Variants in ALDH7A1 observed in about 807,000 individuals in gnomAD.
ALDH7A1 encodes the protein alpha-aminoadipic semialdehyde dehydrogenase.
Under a neutral mutation model 79.9 loss-of-function variants are expected in ALDH7A1, and 63 were observed. That is an observed-to-expected ratio of 0.79 (90% CI 0.64 to 0.97). The LOEUF (loss-of-function observed/expected upper bound fraction) is 0.97, where lower values mean the gene tolerates loss of function less well. ALDH7A1 is among the 50% of genes least tolerant of loss of function. The probability of loss-of-function intolerance (pLI) is 0.00; values close to 1 mark genes in which losing one functional copy is unlikely to be tolerated. For synonymous variants in ALDH7A1, 240 were observed against 231.2 expected, an observed-to-expected ratio of 1.04 and a Z score of -0.34; for missense variants, 627 against 665.2, an observed-to-expected ratio of 0.94 and a Z score of 0.63.
intron 5 of ALDH7A1, 125 bp from the exon 6 acceptor site, chr5:126,577,336 C>A: frequency 8.2e-7 from 1 of 1,222,702 alleles, no homozygotes; most frequent in Non-Finnish European, 1.2e-6. Context: ...AATTGCTACA[C>A]AGCCATGGGA....
intron 8 of ALDH7A1, chr5:126,569,355 C>T (rs1458586110): frequency 1.3e-5 from 2 of 152,210 alleles, no homozygotes; most frequent in Non-Finnish European, 2.9e-5. Flanking sequence ...TAAAGTATTC[C>T]TCATGGAAGC....
intron 9 of ALDH7A1, chr5:126,564,349 T>C (rs1750500371): frequency 1.1e-5 from 4 of 358,590 alleles, no homozygotes; most frequent in East Asian, 8.4e-5. Context: ...AGTTTCACCA[T>C]GTAGCCCAGG....
intron 3 of ALDH7A1, chr5:126,588,316 A>G (rs1751422188): frequency 6.6e-6 from 1 of 151,798 alleles, no homozygotes; most frequent in Non-Finnish European, 1.5e-5. Context: ...ACTAAAAAAT[A>G]CAAAAAAAAA....
chr5:126,554,287 C>T lies in ALDH7A1; in HGVS notation c.1200G>A (p.Lys400=). Residue 400 remains lysine, a splice_region_variant and synonymous_variant, in exon 13 of 18, where the codon AAG becomes AAA. Coordinates refer to ENST00000409134, the MANE Select transcript of ALDH7A1 (RefSeq NM_001182.5). ...KEGGTVVYGG[K]VMDRPGNYVE... is the part of the protein sequence containing the mutation. Reference sequence around the variant, plus strand: ...CAATTGATCTCAGAGCATCCCTTACCTTGCCCCCATAGACCACTGTGCCAC... The same window carrying T: ...CAATTGATCTCAGAGCATCCCTTACTTTGCCCCCATAGACCACTGTGCCAC... 7 of 1,613,404 alleles carry T rather than the reference C, an allele frequency of 4.3e-6. No homozygotes were observed. In the South Asian group the frequency reaches 6.6e-5, roughly 15 times the overall value.
intron 3 of ALDH7A1, among the ~76,000 whole-genome samples, chr5:126,591,133 ATATT>A (rs1270395482): frequency 6.6e-6 from 1 of 152,176 alleles, no homozygotes; most frequent in African/African-American, 2.4e-5. Context: ...AAAAAAAAGA[ATATT>A]TATTACTTTT....
chr5:126,593,789 T>C (rs1751641595), intron 1 of ALDH7A1: 1 of 331,950 alleles, frequency 3.0e-6, no homozygotes, highest in South Asian at 3.0e-5. Flanking sequence ...AGGAAAACTG[T>C]TGGAAAGTCC....
chr5:126,582,812 C>G, intron 5 of ALDH7A1, 39 bp downstream of exon 5: 1 of 1,610,604 alleles, frequency 6.2e-7, no homozygotes, highest in Admixed American at 1.7e-5. Flanking sequence ...CTCTGTATAT[C>G]AGAGTACAAA....
At chr5:126,553,411 T>C (rs11241902) in intron 13 of ALDH7A1, 21,515 of 152,264 alleles carry the variant, frequency 0.14, 1,847 homozygotes, top group African/African-American at 0.23. Context: ...ATTGTTGTCA[T>C]TCTTTAAAAC....
intron 7 of ALDH7A1, among the ~76,000 whole-genome samples, chr5:126,571,884 G>A (rs1750792472): frequency 6.6e-6 from 1 of 152,176 alleles, no homozygotes; most frequent in Admixed American, 6.5e-5. Context: ...CCACCCTGCA[G>A]AACCCTGAAA....
intron 9 of ALDH7A1, among the ~76,000 whole-genome samples, chr5:126,565,318 G>A (rs1469263105): frequency 6.8e-6 from 1 of 146,170 alleles, no homozygotes; most frequent in Non-Finnish European, 1.5e-5. Flanking sequence ...ACTTGAACCT[G>A]GGAGGCAGAG....
rs1296767826 is a variant in ALDH7A1 at position 126,546,357 on chromosome 5, T to C, written c.1532A>G (p.Asp511Gly). ...HTGGGRESGS[D>G]AWKQYMRRST... is the part of the protein sequence containing the mutation. Reference sequence around the variant, plus strand: ...CCTTCTCATGTACTGTTTCCAGGCATCACTGCCAGACTCCCTGCCACCACC... The same window carrying C: ...CCTTCTCATGTACTGTTTCCAGGCACCACTGCCAGACTCCCTGCCACCACC... Residue 511 changes from aspartate to glycine, a missense_variant, in exon 17 of 18, where the codon GAT (aspartate) becomes GGT (glycine). By Grantham distance (94) the Asp-to-Gly change is moderately conservative (BLOSUM62 -1). Transcript: ENST00000409134. 2 of 1,614,224 alleles carry C rather than the reference T, an allele frequency of 1.2e-6. No homozygotes were observed. The highest frequency in any genetic ancestry group is 3.3e-5 in the Admixed American group (2 of 60,030).
intron 8 of ALDH7A1, chr5:126,569,132 C>G (rs1306115069): frequency 6.6e-6 from 1 of 152,414 alleles, no homozygotes; most frequent in Non-Finnish European, 1.5e-5. Context: ...TCAGCAGCAG[C>G]ATTAGATCTT....
chr5:126,562,600 A>G (rs1055145024), intron 9 of ALDH7A1, among the ~76,000 whole-genome samples: 9 of 152,168 alleles, frequency 5.9e-5, no homozygotes, highest in Admixed American at 6.5e-5. Context: ...CTGTAATCCC[A>G]GCACTTTAGG....
At position 126,542,591 on chromosome 5, in the gene ALDH7A1, G is replaced by A. The variant is rs1284851401; in HGVS notation, c.*2374C>T. 1 of 152,258 alleles carries A rather than the reference G, an allele frequency of 6.6e-6. No individual in the cohort carries two copies. The highest frequency in any genetic ancestry group is 6.5e-5 in the Admixed American group (1 of 15,278). The allele number at this position is 152,258 out of a possible 1,614,324, so 9.4% of individuals were successfully genotyped here. On this transcript the variant is annotated 3_prime_UTR_variant, in exon 18 of 18. Coordinates refer to ENST00000409134, the MANE Select transcript of ALDH7A1 (RefSeq NM_001182.5). ...GAGGTGGAAGGATAGATTGAGCCCAGGAGTTGGAGGCTGCAGTGAGCCACT... is the reference window on the plus strand; with the variant it reads ...GAGGTGGAAGGATAGATTGAGCCCAAGAGTTGGAGGCTGCAGTGAGCCACT...
intron 3 of ALDH7A1, among the ~76,000 whole-genome samples, chr5:126,589,304 C>T (rs7723008): frequency 0.2 from 30,810 of 151,630 alleles, 5,587 homozygotes; most frequent in African/African-American, 0.49. Flanking sequence ...GTTACAGGCG[C>T]GCACCACCAT....
chr5:126,575,381 T>A (rs1406459593), intron 7 of ALDH7A1, 39 bp downstream of exon 7: 1 of 1,599,770 alleles, frequency 6.3e-7, no homozygotes, highest in Non-Finnish European at 8.6e-7. Context: ...CTTTCAATAT[T>A]ATTCCATACC....
At chr5:126,567,628 C>T (rs1432428570) in intron 9 of ALDH7A1, among the ~76,000 whole-genome samples, 1 of 151,324 alleles carries the variant, frequency 6.6e-6, no homozygotes, top group Non-Finnish European at 1.5e-5. Flanking sequence ...CACATGCCAC[C>T]ACGCCCGGCT....
At chr5:126,566,415 T>C (rs1212002921) in intron 9 of ALDH7A1, among the ~76,000 whole-genome samples, 1 of 152,222 alleles carries the variant, frequency 6.6e-6, no homozygotes, top group East Asian at 1.9e-4. Flanking sequence ...AATTGATTTT[T>C]GTATCTCAAT....
At chr5:126,557,477 C>T (rs762244652) in intron 11 of ALDH7A1, among the ~76,000 whole-genome samples, 1 of 151,536 alleles carries the variant, frequency 6.6e-6, no homozygotes, top group Non-Finnish European at 1.5e-5. Flanking sequence ...GTGCCAGCTA[C>T]TCAGGAGGCT....
Sources: gnomAD v4.1 joint callset for allele counts (sites outside exome capture counted in the v4.1 genomes callset) on GRCh38, gnomAD v4.1.1 for gene constraint, MANE v1.5 for transcripts, NCBI Gene and HGNC (gene_info 2026-07-23, HGNC 2026-07-21) for gene names.